AUTS2: variants seen among roughly 807,000 people sequenced by gnomAD.
The protein encoded by AUTS2 is activator of transcription and developmental regulator AUTS2, also known as autism susceptibility gene 2 protein.
AUTS2 carries 17 observed loss-of-function variants against 112.4 expected under a neutral mutation model. The ratio of observed to expected loss-of-function variants is 0.15; its 90% CI spans 0.10 to 0.23. The LOEUF is 0.23. Ranked by LOEUF, AUTS2 falls within the 10% of genes least tolerant of loss-of-function variation. AUTS2 has a pLI of 1.00. For synonymous variants in AUTS2, 751 were observed against 702.7 expected, an observed-to-expected ratio of 1.07 and a Z score of -1.09; for missense variants, 1,510 against 1,701.6, an observed-to-expected ratio of 0.89 and a Z score of 1.98.
chr7:70,790,446 A>G lies in AUTS2; in HGVS notation c.3230A>G (p.Asp1077Gly). The change falls in exon 19 of 19, where the codon GAT becomes GGT. Residue 1077 changes from aspartate to glycine, a missense_variant. Asp to Gly is a moderately conservative substitution (Grantham distance 94). Coordinates refer to ENST00000342771, the MANE Select transcript of AUTS2 (RefSeq NM_015570.4). The surrounding 1 kb of genome is among the most constrained non-coding windows in gnomAD (Gnocchi z 7.6). ...GACCCCATCCGGGACCCCTTGAGGG[A>G]TCCTTACCGAGAACTTGACATTCAC... ...HWDPIRDPLRDPYRELDIHRR... is the reference protein window; with the variant it reads ...HWDPIRDPLRGPYRELDIHRR... 6.2e-7 allele frequency: 1 copy of G among 1,612,258 alleles called. No individual in the cohort carries two copies. Among genetic ancestry groups the G allele is most frequent in the Non-Finnish European group, 8.5e-7 (1 of 1,179,138 alleles).
intron 5 of AUTS2, among the ~76,000 whole-genome samples, chr7:70,604,151 T>C (rs1475337281): frequency 6.6e-6 from 1 of 152,240 alleles, no homozygotes; most frequent in East Asian, 1.9e-4. Flanking sequence ...TTATTCTTTT[T>C]GATGGTCATT....
At chr7:70,303,439 TACACACACACACACACAC>T (rs371608891) in intron 4 of AUTS2, among the ~76,000 whole-genome samples, 1 of 143,296 alleles carries the variant, frequency 7.0e-6, no homozygotes, top group Admixed American at 6.9e-5. Context: ...CGCGCGCACA[TACACACACACACACACAC>T]ACACACACAC....
Position 69,729,472 on chromosome 7 carries a change from C to T in AUTS2, c.309+129510C>T, listed in dbSNP as rs1786685235. On this transcript the variant is annotated intron_variant, in intron 1 of 18. Transcript: ENST00000342771. ...TTCTACGATTTATATGTCACGTGAACATCACTTTTTGGTGGTGTGATTATA... is the reference window on the plus strand; with the variant it reads ...TTCTACGATTTATATGTCACGTGAATATCACTTTTTGGTGGTGTGATTATA... 2.4e-5 allele frequency among the ~76,000 whole-genome samples: 3 copies of T among 123,974 alleles called. No homozygotes were observed. The Admixed American group carries it at 3.2e-4, about 13-fold the overall frequency. The allele number at this position is 123,974 out of a possible 152,430, so 81.3% of individuals were successfully genotyped here. A position where few individuals can be genotyped will look rare whatever the true frequency, so the allele number is the denominator to read the frequency against.
intron 4 of AUTS2, among the ~76,000 whole-genome samples, chr7:70,277,956 GTA>G (rs1554354130): frequency 1.9e-4 from 21 of 110,168 alleles, no homozygotes; most frequent in South Asian, 3.0e-4. Context: ...GTGTATGTAT[GTA>G]TGTGTGTGTG....
intron 5 of AUTS2, among the ~76,000 whole-genome samples, chr7:70,560,857 A>T (rs972712515): frequency 2.6e-5 from 4 of 152,224 alleles, no homozygotes; most frequent in Non-Finnish European, 5.9e-5. Context: ...TGAAATTTTT[A>T]GTGGATTTGA....
chr7:69,719,768 G>T (rs559454187), intron 1 of AUTS2, among the ~76,000 whole-genome samples: 4 of 152,138 alleles, frequency 2.6e-5, no homozygotes, highest in African/African-American at 9.7e-5. Flanking sequence ...TTTCCCTCTT[G>T]TGTTGGTTCA....
In AUTS2 at chr7:70,033,664, AC is replaced by A. The variant is rs1223539153; in HGVS notation, c.523-84467del. On this transcript the variant is annotated intron_variant, in intron 2 of 18. Transcript: ENST00000342771. ...GTAGATGTATACAAAATAGAAAAAA[AC>A]AAAAAGAATCTTCTGCATTATATCA... Among the ~76,000 whole-genome samples, 10 of 152,058 alleles carry A rather than the reference AC, an allele frequency of 6.6e-5. No homozygotes were observed. In the East Asian group the frequency reaches 1.9e-3, roughly 29 times the overall value.
At chr7:70,782,185 G>GT (rs1791135164) in intron 15 of AUTS2, 1 of 158,640 alleles carries the variant, frequency 6.3e-6, no homozygotes, top group Non-Finnish European at 1.4e-5. Context: ...CAGTCATGCC[G>GT]TGTTTTAAAG....
At chr7:70,295,808 A>G (rs1218534423) in intron 4 of AUTS2, among the ~76,000 whole-genome samples, 3 of 152,168 alleles carry the variant, frequency 2.0e-5, no homozygotes, top group African/African-American at 4.8e-5. Flanking sequence ...GGGCTTCCCT[A>G]TGTATGTTTC....
intron 4 of AUTS2, chr7:70,290,543 A>C: frequency 6.6e-7 from 1 of 1,521,890 alleles, no homozygotes; most frequent in Non-Finnish European, 8.8e-7. Flanking sequence ...TTTGAATTCT[A>C]ATACTCTATG....
chr7:70,122,141 A>G (rs1242869182), intron 3 of AUTS2, among the ~76,000 whole-genome samples: 1 of 152,232 alleles, frequency 6.6e-6, no homozygotes, highest in African/African-American at 2.4e-5. Context: ...AGGCAAATTC[A>G]TAGAGACATA....
intron 5 of AUTS2, among the ~76,000 whole-genome samples, chr7:70,603,173 G>T (rs1803560868): frequency 6.6e-6 from 1 of 152,082 alleles, no homozygotes; most frequent in African/African-American, 2.4e-5. Flanking sequence ...ATTGAAGGTG[G>T]CAAGGTGAGC....
intron 2 of AUTS2, among the ~76,000 whole-genome samples, chr7:70,078,140 T>A (rs1347795696): frequency 6.6e-6 from 1 of 152,188 alleles, no homozygotes; most frequent in Non-Finnish European, 1.5e-5. Context: ...GTCCTTACAG[T>A]AGTCCCTTTT....
intron 5 of AUTS2, among the ~76,000 whole-genome samples, chr7:70,503,842 G>GA (rs35663680): frequency 0.24 from 33,028 of 135,770 alleles, 3,905 homozygotes; most frequent in Middle Eastern, 0.34. Context: ...TAAAAATAAG[G>GA]AAAAAAAAAA....
At chr7:69,703,914 T>A (rs904208564) in intron 1 of AUTS2, among the ~76,000 whole-genome samples, 65 of 152,354 alleles carry the variant, frequency 4.3e-4, no homozygotes, top group African/African-American at 1.5e-3. Flanking sequence ...GTGAAAATAG[T>A]AACCTGGCTA....
intron 5 of AUTS2, among the ~76,000 whole-genome samples, chr7:70,625,299 G>A (rs1359275772): frequency 6.6e-6 from 1 of 152,164 alleles, no homozygotes. Context: ...GCAGTAAATA[G>A]CAGGAATGAA....
chr7:70,464,491 C>T (rs1197967200), intron 5 of AUTS2, among the ~76,000 whole-genome samples: 2 of 152,198 alleles, frequency 1.3e-5, no homozygotes, highest in African/African-American at 2.4e-5. Flanking sequence ...CCATTTTTAT[C>T]ATCCTATTCA....
chr7:70,634,244 AT>A (rs1329735667), intron 5 of AUTS2, among the ~76,000 whole-genome samples: 1 of 152,204 alleles, frequency 6.6e-6, no homozygotes, highest in Non-Finnish European at 1.5e-5. Context: ...GACAGGAGGC[AT>A]CTCCCTGTGA....
At chr7:69,661,073 T>A (rs562816408) in intron 1 of AUTS2, among the ~76,000 whole-genome samples, 77 of 152,306 alleles carry the variant, frequency 5.1e-4, no homozygotes, top group African/African-American at 1.7e-3. Context: ...GCAAGTCTTT[T>A]GCCCCTCTTC....
Sources: gnomAD v4.1 joint callset for allele counts (sites outside exome capture counted in the v4.1 genomes callset) on GRCh38, gnomAD v4.1.1 for gene constraint, Gnocchi (gnomAD v3.1) non-coding constraint, MANE v1.5 for transcripts, NCBI Gene and HGNC (gene_info 2026-07-23, HGNC 2026-07-21) for gene names.